Variants in AKAP6 observed in about 807,000 individuals in gnomAD.
AKAP6 encodes A-kinase anchor protein 6.
Under a neutral mutation model 188.5 loss-of-function variants are expected in AKAP6, and 58 were observed. That is an observed-to-expected ratio of 0.31 (90% CI 0.25 to 0.38). AKAP6 has a LOEUF of 0.38. Ranked by LOEUF, AKAP6 falls within the 10% of genes least tolerant of loss-of-function variation. AKAP6 has a pLI of 1.00. For synonymous variants in AKAP6, 989 were observed against 998.6 expected (o/e 0.99, Z 0.18); for missense variants, 2,710 against 2,740.0 (o/e 0.99, Z 0.24).
rs554595096 is a variant in AKAP6 at position 32,508,357 on chromosome 14, G to T, written c.325-27197G>T. 5.3e-5 allele frequency among the ~76,000 whole-genome samples: 8 copies of T among 152,276 alleles called. No individual in the cohort carries two copies. The South Asian group carries it at 1.7e-3, about 32-fold the overall frequency. On this transcript the variant is annotated intron_variant, in intron 2 of 13. Coordinates refer to ENST00000280979, the MANE Select transcript of AKAP6 (RefSeq NM_004274.5). ...ATGCTGATAGTTCATATGGGAACAG[G>T]GTAGTTGAAATAGAAATCAAAAGGA...
chr14:32,641,351 A>G (rs527452999), intron 7 of AKAP6, among the ~76,000 whole-genome samples: 1 of 151,910 alleles, frequency 6.6e-6, no homozygotes, highest in African/African-American at 2.4e-5. Context: ...GAAAAAGAAA[A>G]TTTTGACTGG....
chr14:32,387,971 T>TG (rs1382187193), intron 1 of AKAP6, among the ~76,000 whole-genome samples: 1 of 152,060 alleles, frequency 6.6e-6, no homozygotes, highest in Non-Finnish European at 1.5e-5. Flanking sequence ...TGAATCCATC[T>TG]GGTCCTGGAT....
At chr14:32,352,437 T>C (rs1887319675) in intron 1 of AKAP6, among the ~76,000 whole-genome samples, 2 of 152,132 alleles carry the variant, frequency 1.3e-5, no homozygotes, top group Admixed American at 1.3e-4. Flanking sequence ...TCCTTTCTTC[T>C]AGTTATTATG....
intron 13 of AKAP6, among the ~76,000 whole-genome samples, chr14:32,828,933 T>TGG (rs1489875412): frequency 2.6e-5 from 4 of 152,174 alleles, no homozygotes; most frequent in Non-Finnish European, 2.9e-5. Context: ...TGAAAGATTG[T>TGG]AGAAAAACAG....
At chr14:32,828,651 A>G (rs1475038863) in intron 13 of AKAP6, among the ~76,000 whole-genome samples, 1 of 152,154 alleles carries the variant, frequency 6.6e-6, no homozygotes, top group Non-Finnish European at 1.5e-5. Flanking sequence ...TTGATTACCT[A>G]GAGAGAATTT....
intron 1 of AKAP6, among the ~76,000 whole-genome samples, chr14:32,338,909 T>C (rs1280250158): frequency 6.6e-6 from 1 of 152,174 alleles, no homozygotes; most frequent in East Asian, 1.9e-4. Context: ...ATGCAATTTC[T>C]CCTCAACTCC....
chr14:32,717,993 A>G (rs1184099336), intron 9 of AKAP6, among the ~76,000 whole-genome samples: 5 of 152,136 alleles, frequency 3.3e-5, no homozygotes, highest in African/African-American at 1.2e-4. Context: ...GTCACTTTGT[A>G]TGGCATTCTT....
intron 9 of AKAP6, among the ~76,000 whole-genome samples, chr14:32,713,190 G>A (rs1378586388): frequency 1.3e-5 from 2 of 152,088 alleles, no homozygotes; most frequent in East Asian, 1.9e-4. Context: ...CTGAGCCATA[G>A]GTCCCCACAA....
chr14:32,383,114 TG>T (rs1888422957), intron 1 of AKAP6, among the ~76,000 whole-genome samples: 1 of 151,748 alleles, frequency 6.6e-6, no homozygotes, highest in Admixed American at 6.6e-5. Flanking sequence ...TGTGTGTGTG[TG>T]TGTGTGTGTG....
intron 1 of AKAP6, among the ~76,000 whole-genome samples, chr14:32,336,522 A>G (rs796160359): frequency 1.3e-5 from 2 of 152,278 alleles, no homozygotes; most frequent in African/African-American, 4.8e-5. Flanking sequence ...AGGCACACAC[A>G]CATGTATATT....
At chr14:32,675,743 A>G (rs1487830782) in intron 7 of AKAP6, among the ~76,000 whole-genome samples, 1 of 152,236 alleles carries the variant, frequency 6.6e-6, no homozygotes, top group African/African-American at 2.4e-5. Flanking sequence ...CTTGTGAGAT[A>G]TTATGCAGTA....
At chr14:32,493,519 A>G (rs1050237727) in intron 2 of AKAP6, among the ~76,000 whole-genome samples, 2 of 152,124 alleles carry the variant, frequency 1.3e-5, no homozygotes, top group Non-Finnish European at 2.9e-5. Context: ...CCTAAGGCAC[A>G]CTAAAAAGAT....
At chr14:32,669,472 A>G (rs916665936) in intron 7 of AKAP6, among the ~76,000 whole-genome samples, 9 of 152,164 alleles carry the variant, frequency 5.9e-5, no homozygotes, top group African/African-American at 2.2e-4. Flanking sequence ...TATTTTAGGA[A>G]ATTATGAACC....
At chr14:32,775,796 T>G (rs984674704) in intron 12 of AKAP6, among the ~76,000 whole-genome samples, 2 of 152,134 alleles carry the variant, frequency 1.3e-5, no homozygotes, top group Non-Finnish European at 2.9e-5. Flanking sequence ...TCTTAAAGGT[T>G]CAAGCTACTA....
chr14:32,747,326 G>A (rs1277690371), intron 11 of AKAP6, among the ~76,000 whole-genome samples: 2 of 152,118 alleles, frequency 1.3e-5, no homozygotes, highest in East Asian at 1.9e-4. Flanking sequence ...CTCTAACTTG[G>A]AGCCATTACA....
At chr14:32,534,791 C>A (rs571062964) in intron 2 of AKAP6, among the ~76,000 whole-genome samples, 69 of 151,954 alleles carry the variant, frequency 4.5e-4, no homozygotes, top group Non-Finnish European at 7.8e-4. Context: ...CCTGGTGAAA[C>A]CCCGTCTGTA....
At chr14:32,342,054 A>C (rs1414632849) in intron 1 of AKAP6, among the ~76,000 whole-genome samples, 2 of 152,130 alleles carry the variant, frequency 1.3e-5, no homozygotes, top group African/African-American at 4.8e-5. Context: ...TGAGTCCATG[A>C]GTCTGGTACC....
intron 13 of AKAP6, among the ~76,000 whole-genome samples, chr14:32,826,879 C>G (rs1420094413): frequency 1.3e-5 from 2 of 152,078 alleles, no homozygotes; most frequent in Admixed American, 1.3e-4. Flanking sequence ...GGCCTTATCT[C>G]GGGCAAAGGG....
intron 1 of AKAP6, among the ~76,000 whole-genome samples, chr14:32,386,007 ATATC>A (rs1451130106): frequency 9.4e-6 from 1 of 106,700 alleles, no homozygotes; most frequent in Non-Finnish European, 2.1e-5. Flanking sequence ...ATATGTATCT[ATATC>A]TATATCTATC....
Sources: gnomAD v4.1 joint callset for allele counts (sites outside exome capture counted in the v4.1 genomes callset) on GRCh38, gnomAD v4.1.1 for gene constraint, MANE v1.5 for transcripts, NCBI Gene and HGNC (gene_info 2026-07-23, HGNC 2026-07-21) for gene names.